Variants in ADGRL3 observed in about 807,000 individuals in gnomAD.
ADGRL3 encodes calcium-independent alpha-latrotoxin receptor 3.
A neutral mutation model predicts 153.5 loss-of-function variants in ADGRL3; 62 were observed. That is an observed-to-expected ratio of 0.40 (90% confidence interval 0.33 to 0.50). The LOEUF (loss-of-function observed/expected upper bound fraction) is 0.50, where lower values mean the gene tolerates loss of function less well. Among genes scored for constraint, ADGRL3 ranks in the 20% least tolerant of loss-of-function variants. ADGRL3 has a pLI of 0.47. For synonymous variants in ADGRL3, 710 were observed against 672.5 expected (o/e 1.06, Z -0.86); for missense variants, 1,641 against 1,859.4 (o/e 0.88, Z 2.16).
chr4:61,662,283 G>A (rs990065867), intron 5 of ADGRL3, among the ~76,000 whole-genome samples: 2 of 152,224 alleles, frequency 1.3e-5, no homozygotes, highest in Non-Finnish European at 2.9e-5. Context: ...TAGCTGCCCA[G>A]CCATGATTGT....
Position 61,558,145 on chromosome 4 carries a change from A to G in ADGRL3, c.260-29082A>G, listed in dbSNP as rs553913093. On this transcript the variant is annotated intron_variant, in intron 4 of 26. Coordinates refer to ENST00000683033, the MANE Select transcript of ADGRL3 (RefSeq NM_001387552.1). Reference sequence around the variant, plus strand: ...ATATGTAGGAATCATATATATATGTATATATATATATACACATATGTAGGA... The same window carrying G: ...ATATGTAGGAATCATATATATATGTGTATATATATATACACATATGTAGGA... Among the ~76,000 whole-genome samples the G allele has an allele frequency of 4.5e-3, 589 of 130,554 alleles. 2 individuals are homozygous for G. Among genetic ancestry groups the G allele is most frequent in the Non-Finnish European group, 7.2e-3 (468 of 64,660 alleles). The allele number at this position is 130,554 out of a possible 152,430, so 85.6% of individuals were successfully genotyped here.
intron 3 of ADGRL3, among the ~76,000 whole-genome samples, chr4:61,514,982 T>C (rs1385680407): frequency 6.6e-6 from 1 of 152,200 alleles, no homozygotes; most frequent in East Asian, 1.9e-4. Context: ...ATTGACCTTT[T>C]CTAGAAATAT....
intron 6 of ADGRL3, among the ~76,000 whole-genome samples, chr4:61,690,551 T>G (rs2151117559): frequency 6.6e-6 from 1 of 152,194 alleles, no homozygotes; most frequent in South Asian, 2.1e-4. Flanking sequence ...CCTATTATGG[T>G]TTTCCTTGAC....
chr4:61,754,214 A>G (rs1164611171), intron 8 of ADGRL3, among the ~76,000 whole-genome samples: 1 of 152,244 alleles, frequency 6.6e-6, no homozygotes, highest in Non-Finnish European at 1.5e-5. Context: ...GCTTAGCAAT[A>G]TAACCAATGT....
At chr4:61,509,124 C>CTTT (rs57550950) in intron 3 of ADGRL3, among the ~76,000 whole-genome samples, 1,343 of 118,528 alleles carry the variant, frequency 0.011, 49 homozygotes, top group East Asian at 0.024. Flanking sequence ...CATATCACAT[C>CTTT]TTTTTTTTTT....
At chr4:61,805,123 T>A (rs1176040567) in intron 8 of ADGRL3, among the ~76,000 whole-genome samples, 1 of 151,802 alleles carries the variant, frequency 6.6e-6, no homozygotes, top group Admixed American at 6.6e-5. Context: ...GCCCAGCTAA[T>A]TTTTTGTATT....
At chr4:61,274,656 T>C (rs1229946364) in intron 1 of ADGRL3, among the ~76,000 whole-genome samples, 1 of 152,090 alleles carries the variant, frequency 6.6e-6, no homozygotes, top group Non-Finnish European at 1.5e-5. Context: ...GAAAACCAGA[T>C]TGGGCCAGAT....
In ADGRL3 at chr4:62,077,148, G is replaced by A. The variant is rs945531800; in HGVS notation, c.*6240G>A. 1 of 151,892 alleles carries A rather than the reference G, an allele frequency of 6.6e-6. No individual in the cohort carries two copies. The highest frequency in any genetic ancestry group is 2.4e-5 in the African/African-American group (1 of 41,502). 9.4% of individuals were successfully genotyped at this position (151,892 alleles called of 1,614,324 possible). A position where few individuals can be genotyped will look rare whatever the true frequency, so the allele number is the denominator to read the frequency against. On this transcript the variant is annotated 3_prime_UTR_variant, in exon 27 of 27. Coordinates refer to ENST00000683033, the MANE Select transcript of ADGRL3 (RefSeq NM_001387552.1). ...ATGCATCTAAAAGTATTCCAAATGCGCCTTTCATTCTAGAATACTAAAGGA... is the reference window on the plus strand; with the variant it reads ...ATGCATCTAAAAGTATTCCAAATGCACCTTTCATTCTAGAATACTAAAGGA...
intron 2 of ADGRL3, among the ~76,000 whole-genome samples, chr4:61,478,024 T>G (rs889738021): frequency 6.6e-6 from 1 of 152,074 alleles, no homozygotes; most frequent in Non-Finnish European, 1.5e-5. Context: ...ATATTTTAAT[T>G]AACTTCTCCA....
intron 8 of ADGRL3, among the ~76,000 whole-genome samples, chr4:61,756,760 C>A (rs2096836954): frequency 6.6e-6 from 1 of 152,110 alleles, no homozygotes; most frequent in African/African-American, 2.4e-5. Context: ...GTGGGTTTGT[C>A]ATAGATAGCT....
chr4:61,572,609 C>A (rs1258946121), intron 4 of ADGRL3, among the ~76,000 whole-genome samples: 1 of 151,948 alleles, frequency 6.6e-6, no homozygotes, highest in Non-Finnish European at 1.5e-5. Context: ...AAATACATTT[C>A]CTAATCCTTA....
chr4:61,832,494 C>G (rs957876729), intron 9 of ADGRL3, among the ~76,000 whole-genome samples: 1 of 152,154 alleles, frequency 6.6e-6, no homozygotes. Flanking sequence ...GGAAATTCTG[C>G]AGAAATCCCT....
At position 61,782,056 on chromosome 4, in the gene ADGRL3, A is replaced by AT. The variant is rs1243708698; in HGVS notation, c.1400-31747dup. 6.6e-5 allele frequency among the ~76,000 whole-genome samples: 10 copies of AT among 152,286 alleles called. No homozygotes were observed. The East Asian group carries it at 1.3e-3, about 21-fold the overall frequency. On this transcript the variant is annotated intron_variant, in intron 8 of 26. Coordinates refer to ENST00000683033, the MANE Select transcript of ADGRL3 (RefSeq NM_001387552.1). The stretch of plus-strand genomic sequence containing the variant: ...ATTGATCTTTTTAAATTACAAAGCA[A>AT]TTTTTTATGATTAAAATAGGCTGAC...
chr4:61,864,515 G>GA, intron 9 of ADGRL3, among the ~76,000 whole-genome samples: 1 of 152,178 alleles, frequency 6.6e-6, no homozygotes, highest in African/African-American at 2.4e-5. Context: ...AACGTTAATT[G>GA]AGCTCCACAA....
At chr4:61,539,534 T>C (rs2098677960) in intron 4 of ADGRL3, among the ~76,000 whole-genome samples, 1 of 152,134 alleles carries the variant, frequency 6.6e-6, no homozygotes, top group Non-Finnish European at 1.5e-5. Flanking sequence ...GGTCTTTTTG[T>C]AGGGGATCAG....
At chr4:61,675,699 T>TCCA (rs2150885239) in intron 5 of ADGRL3, among the ~76,000 whole-genome samples, 2 of 145,502 alleles carry the variant, frequency 1.4e-5, no homozygotes, top group Admixed American at 1.4e-4. Context: ...TCAATGTGTA[T>TCCA]ATTCATGGGA....
At chr4:61,300,754 T>C (rs572067046) in intron 1 of ADGRL3, among the ~76,000 whole-genome samples, 20 of 138,810 alleles carry the variant, frequency 1.4e-4, no homozygotes, top group South Asian at 1.4e-3. Context: ...AGTTTTGTTT[T>C]CTTTTCTTTC....
At chr4:61,835,882 A>G (rs955067163) in intron 9 of ADGRL3, among the ~76,000 whole-genome samples, 3 of 152,196 alleles carry the variant, frequency 2.0e-5, no homozygotes, top group African/African-American at 7.2e-5. Flanking sequence ...TGTTTTTCCC[A>G]GAAGGAGCCT....
At chr4:61,899,712 A>G (rs971106597) in intron 11 of ADGRL3, among the ~76,000 whole-genome samples, 15 of 152,166 alleles carry the variant, frequency 9.9e-5, no homozygotes, top group African/African-American at 3.4e-4. Context: ...CAACAGAAGT[A>G]TATTTACTAT....
Sources: gnomAD v4.1 joint callset for allele counts (sites outside exome capture counted in the v4.1 genomes callset) on GRCh38, gnomAD v4.1.1 for gene constraint, MANE v1.5 for transcripts, NCBI Gene and HGNC (gene_info 2026-07-23, HGNC 2026-07-21) for gene names.